JADE2: variants seen among roughly 807,000 people sequenced by gnomAD.
JADE2 encodes E3 ubiquitin-protein ligase Jade-2.
JADE2 carries 13 observed loss-of-function variants against 85.7 expected under a neutral mutation model. That is an observed-to-expected ratio of 0.15 (90% confidence interval 0.10 to 0.24). The LOEUF (loss-of-function observed/expected upper bound fraction) is 0.24. JADE2 is among the 10% of genes least tolerant of loss of function. The pLI, the probability that JADE2 is intolerant of heterozygous loss-of-function variation, is 1.00. For missense variants in JADE2, 846 were observed against 1,115.9 expected (o/e 0.76, Z 3.45); for synonymous variants, 440 against 456.1 (o/e 0.96, Z 0.45).
intron 6 of JADE2, among the ~76,000 whole-genome samples, chr5:134,561,393 A>G (rs958569893): frequency 1.3e-5 from 2 of 152,226 alleles, no homozygotes; most frequent in Non-Finnish European, 2.9e-5. Context: ...TTATGCATAA[A>G]TAAGAGTGGA....
In JADE2 at chr5:134,560,006, A is replaced by G. The variant is rs755616899; in HGVS notation, c.472+16A>G. ...AAGGAGATGGGTAGGTGACCACTGC[A>G]TTAAGAATGGGATCACGGCTGGGCA... On this transcript the variant is annotated intron_variant, in intron 5 of 11. Transcript: ENST00000681547. The G allele has an allele frequency of 6.2e-7, 1 of 1,613,584 alleles. No homozygotes were observed. Among genetic ancestry groups the G allele is most frequent in the Non-Finnish European group, 8.5e-7 (1 of 1,179,734 alleles).
chr5:134,555,340 C>T (rs911229377), intron 4 of JADE2, among the ~76,000 whole-genome samples: 1 of 152,184 alleles, frequency 6.6e-6, no homozygotes, highest in African/African-American at 2.4e-5. Context: ...GGGTAAAGAC[C>T]CCCTCCCCTC....
chr5:134,574,086 G>A, intron 10 of JADE2: 1 of 378,960 alleles, frequency 2.6e-6, no homozygotes, highest in African/African-American at 2.1e-5. Flanking sequence ...AGTCCTAGTG[G>A]CTCTCTGCTG....
chr5:134,549,117 G>A (rs142497137), intron 3 of JADE2, among the ~76,000 whole-genome samples: 140 of 152,320 alleles, frequency 9.2e-4, no homozygotes, highest in Admixed American at 2.4e-3. Context: ...TTTCAGGAGT[G>A]TAAGTGCTGG....
chr5:134,577,958 A>G (rs1392166837), intron 11 of JADE2, among the ~76,000 whole-genome samples: 1 of 152,164 alleles, frequency 6.6e-6, no homozygotes, highest in Non-Finnish European at 1.5e-5. Context: ...ATAAAGACTG[A>G]GCGCCCTCTG....
intron 11 of JADE2, 64 bp downstream of exon 11, chr5:134,576,960 T>G: frequency 2.0e-6 from 3 of 1,478,960 alleles, no homozygotes; most frequent in Non-Finnish European, 2.7e-6. Context: ...CTTGCAGCTC[T>G]GTCTGCCCTG....
intron 3 of JADE2, among the ~76,000 whole-genome samples, chr5:134,544,076 G>A (rs1029687828): frequency 3.9e-5 from 6 of 152,258 alleles, no homozygotes; most frequent in Admixed American, 2.0e-4. Context: ...AGACACAGGC[G>A]GAAGGGCAGG....
At chr5:134,541,979 A>G (rs1170329394) in intron 3 of JADE2, among the ~76,000 whole-genome samples, 1 of 152,242 alleles carries the variant, frequency 6.6e-6, no homozygotes, top group Non-Finnish European at 1.5e-5. Flanking sequence ...TCCCTCAGCC[A>G]GAGTGAAGGG....
intron 9 of JADE2, among the ~76,000 whole-genome samples, chr5:134,568,934 C>G (rs1224978136): frequency 6.6e-6 from 1 of 152,240 alleles, no homozygotes; most frequent in East Asian, 1.9e-4. Flanking sequence ...TAACTGGGCA[C>G]TAAGCCAGCC....
At position 134,566,243 on chromosome 5, in the gene JADE2, A is replaced by G. The variant is rs578254108; in HGVS notation, c.1097A>G (p.Asp366Gly). ...KFKSFCQEHS[D>G]GGPRNEPTSE... ...AAGTCATTCTGCCAGGAGCACAGTG[A>G]CGGGGGCCCACGTAATGAGCCCACA... The change falls in exon 9 of 12, where the codon GAC (aspartate) becomes GGC (glycine). Residue 366 changes from aspartate to glycine, a missense_variant. Coordinates refer to ENST00000681547, the MANE Select transcript of JADE2 (RefSeq NM_001388185.1). This position sits in a 1 kb window ranked among gnomAD's most constrained non-coding sequence, Gnocchi z 6.7. The G allele has an allele frequency of 6.8e-6, 11 of 1,614,128 alleles. No homozygotes were observed. In the African/African-American group the frequency reaches 1.2e-4, roughly 18 times the overall value.
intron 4 of JADE2, among the ~76,000 whole-genome samples, chr5:134,554,584 G>A (rs766611608): frequency 6.6e-5 from 10 of 152,212 alleles, no homozygotes; most frequent in Non-Finnish European, 1.2e-4. Context: ...AGGAGGGCAC[G>A]TGTTCCGGCT....
At chr5:134,542,891 C>G (rs963069833) in intron 3 of JADE2, among the ~76,000 whole-genome samples, 7 of 151,918 alleles carry the variant, frequency 4.6e-5, no homozygotes, top group Non-Finnish European at 8.8e-5. Flanking sequence ...TGCCACCATG[C>G]CGGGCTAATT....
chr5:134,566,482 C>T lies in JADE2; in HGVS notation c.1336C>T (p.Pro446Ser). 3 of 1,612,856 alleles carry T rather than the reference C, an allele frequency of 1.9e-6. No individual in the cohort carries two copies. The highest frequency in any genetic ancestry group is 2.7e-5 in the African/African-American group (2 of 75,018). Reference sequence around the variant, plus strand: ...CAATGCCAACCAGCCGCTGCTGACCCCCAAGACCGACGAGGTGGACAACCT... The same window carrying T: ...CAATGCCAACCAGCCGCTGCTGACCTCCAAGACCGACGAGGTGGACAACCT... ...KANANQPLLT[P>S]KTDEVDNLAQ... The change falls in exon 9 of 12, where the codon CCC becomes TCC. Residue 446 changes from proline (P) to serine (S), a missense_variant. Physicochemically the swap from Pro to Ser is moderately conservative, Grantham distance 74 (BLOSUM62 -1). Around this residue, in one of 9 missense-constraint regions of JADE2, gnomAD observed 88 missense variants for 140.6 expected, o/e 0.63. Coordinates refer to ENST00000681547, the MANE Select transcript of JADE2 (RefSeq NM_001388185.1). This position sits in a 1 kb window ranked among gnomAD's most constrained non-coding sequence, Gnocchi z 6.7.
At chr5:134,560,566 T>C (rs189644731) in intron 5 of JADE2, among the ~76,000 whole-genome samples, 180 bp from the exon 6 acceptor site, 1 of 152,316 alleles carries the variant, frequency 6.6e-6, no homozygotes, top group Non-Finnish European at 1.5e-5. Context: ...TGAGATGGGA[T>C]GGTCCAGACC....
Position 134,576,800 on chromosome 5 carries a change from A to T in JADE2, c.1585A>T (p.Ser529Cys). 2 of 1,550,534 alleles carry T rather than the reference A, an allele frequency of 1.3e-6. No individual in the cohort carries two copies. Among genetic ancestry groups the T allele is most frequent in the Non-Finnish European group, 1.7e-6 (2 of 1,146,966 alleles). ...RSGRRAKGKK[S>C]DSKRKGCEGS... ...TGGGAGGAGAGCAAAGGGCAAGAAG[A>T]GTGACTCGAAGAGGAAGGGCTGCGA... The change falls in exon 11 of 12, where the codon AGT becomes TGT. Residue 529 changes from serine to cysteine, a missense_variant. Physicochemically the swap from Ser to Cys is moderately radical, Grantham distance 112. Around this residue, in one of 9 missense-constraint regions of JADE2, gnomAD observed 119 missense variants for 163.9 expected, o/e 0.73. Coordinates refer to ENST00000681547, the MANE Select transcript of JADE2 (RefSeq NM_001388185.1).
chr5:134,539,207 G>T (rs1487087992), intron 3 of JADE2, among the ~76,000 whole-genome samples: 1 of 151,978 alleles, frequency 6.6e-6, no homozygotes, highest in Non-Finnish European at 1.5e-5. Flanking sequence ...GACTACAGGC[G>T]CCCGCCACCA....
chr5:134,555,921 C>A (rs534866244), intron 4 of JADE2, among the ~76,000 whole-genome samples: 65 of 152,186 alleles, frequency 4.3e-4, no homozygotes, highest in African/African-American at 1.2e-3. Context: ...GGTGCCAAGC[C>A]CCTTCCCCTT....
intron 1 of JADE2, chr5:134,526,651 C>CT (rs1760842547): frequency 1.0e-6 from 1 of 985,324 alleles, no homozygotes; most frequent in Non-Finnish European, 1.2e-6. Flanking sequence ...TCTCCCGGCC[C>CT]GGTGCACGCG....
chr5:134,551,602 T>G (rs1053408849), intron 3 of JADE2, among the ~76,000 whole-genome samples: 2 of 151,740 alleles, frequency 1.3e-5, no homozygotes, highest in African/African-American at 4.8e-5. Context: ...TGTCTTGAAC[T>G]CCTGGCCTCA....
Sources: allele counts gnomAD v4.1 joint callset (sites outside exome capture counted in the v4.1 genomes callset), GRCh38; gene constraint gnomAD v4.1.1; regional missense constraint gnomAD v4.1.1; non-coding constraint Gnocchi (gnomAD v3.1); transcripts MANE v1.5; gene names NCBI Gene and HGNC (gene_info 2026-07-23, HGNC 2026-07-21).